MND1: variants seen among roughly 807,000 people sequenced by gnomAD.
The protein encoded by MND1 is meiotic nuclear division protein 1 homolog.
Under a neutral mutation model 35.1 loss-of-function variants are expected in MND1, and 28 were observed. The ratio of observed to expected loss-of-function variants is 0.80; its 90% CI spans 0.59 to 1.09. MND1 has a LOEUF of 1.09. MND1 is among the 50% of genes least tolerant of loss of function. The pLI, the probability that MND1 is intolerant of heterozygous loss-of-function variation, is 0.00. For synonymous variants in MND1, 69 were observed against 70.5 expected (o/e 0.98, Z 0.11); for missense variants, 213 against 239.6 (o/e 0.89, Z 0.73).
chr4:153,405,180 A>G (rs552802748), intron 6 of MND1, among the ~76,000 whole-genome samples: 1 of 152,320 alleles, frequency 6.6e-6, no homozygotes, highest in South Asian at 2.1e-4. Context: ...AGAATAGTCA[A>G]AAGAATCTTG....
chr4:153,367,026 G>A (rs144255067), intron 4 of MND1, among the ~76,000 whole-genome samples: 13 of 152,078 alleles, frequency 8.5e-5, no homozygotes, highest in East Asian at 1.9e-4. Context: ...TACTCTCCCC[G>A]CCTCTCCCCT....
Position 153,344,890 on chromosome 4 carries a change from G to A in MND1, c.3+150G>A, listed in dbSNP as rs906461877. 3.1e-6 allele frequency: 4 copies of A among 1,278,918 alleles called. No homozygotes were observed. The African/African-American group carries it at 4.7e-5, about 15-fold the overall frequency. 79.2% of individuals were successfully genotyped at this position (1,278,918 alleles called of 1,614,324 possible). Reference sequence around the variant, plus strand: ...CGGCTCTCGGCCTCACCGTGTAGGGGCCCAGCCCGGCCCCGCCGCAGCCAC... The same window carrying A: ...CGGCTCTCGGCCTCACCGTGTAGGGACCCAGCCCGGCCCCGCCGCAGCCAC... On this transcript the variant is annotated intron_variant, in intron 1 of 7. Coordinates refer to ENST00000240488, the MANE Select transcript of MND1 (RefSeq NM_032117.4).
intron 3 of MND1, among the ~76,000 whole-genome samples, chr4:153,357,796 A>C (rs1044897426): frequency 2.6e-5 from 4 of 152,234 alleles, no homozygotes; most frequent in Non-Finnish European, 5.9e-5. Context: ...TGTATTAACT[A>C]AATTCCTTTT....
chr4:153,356,552 CAAAAAAAA>C (rs34763120), intron 3 of MND1, among the ~76,000 whole-genome samples: 1 of 60,044 alleles, frequency 1.7e-5, no homozygotes, highest in Non-Finnish European at 2.8e-5. Flanking sequence ...AACTCAGTCT[CAAAAAAAA>C]AAAAAAAAAA....
intron 6 of MND1, among the ~76,000 whole-genome samples, chr4:153,397,973 G>A (rs1729245887): frequency 6.6e-6 from 1 of 152,102 alleles, no homozygotes; most frequent in African/African-American, 2.4e-5. Context: ...AGCTAATTTG[G>A]CCTCAAGAAC....
intron 6 of MND1, among the ~76,000 whole-genome samples, chr4:153,402,712 C>G (rs561976032): frequency 6.6e-6 from 1 of 152,224 alleles, no homozygotes; most frequent in African/African-American, 2.4e-5. Context: ...GAAAAACTGT[C>G]TTTATTTGAT....
intron 4 of MND1, among the ~76,000 whole-genome samples, chr4:153,391,906 T>C (rs1473806361): frequency 6.6e-6 from 1 of 152,086 alleles, no homozygotes; most frequent in Non-Finnish European, 1.5e-5. Flanking sequence ...TGGAAAACTG[T>C]TAAAGGAAAG....
chr4:153,402,169 C>T (rs901470879), intron 6 of MND1, among the ~76,000 whole-genome samples: 2 of 152,164 alleles, frequency 1.3e-5, no homozygotes, highest in Non-Finnish European at 2.9e-5. Flanking sequence ...CAACAACAAA[C>T]ATTAATTGCA....
chr4:153,403,974 A>G (rs1729414276), intron 6 of MND1, among the ~76,000 whole-genome samples: 1 of 152,006 alleles, frequency 6.6e-6, no homozygotes, highest in Non-Finnish European at 1.5e-5. Context: ...TCAGGCTAAC[A>G]TTATTTTAAA....
At position 153,370,613 on chromosome 4, in the gene MND1, G is replaced by A. The variant is rs533646186; in HGVS notation, c.276+11991G>A. 1.3e-4 allele frequency among the ~76,000 whole-genome samples: 20 copies of A among 152,106 alleles called. No individual in the cohort carries two copies. In the South Asian group the frequency reaches 3.9e-3, roughly 30 times the overall value. On this transcript the variant is annotated intron_variant, in intron 4 of 7. Coordinates refer to ENST00000240488, the MANE Select transcript of MND1 (RefSeq NM_032117.4). ...TAGCTCACTGCAACCTCCGCCTCCCGGGTTCAGGTGATTCTCTGGTCTCAG... is the reference window on the plus strand; with the variant it reads ...TAGCTCACTGCAACCTCCGCCTCCCAGGTTCAGGTGATTCTCTGGTCTCAG...
At chr4:153,381,090 AG>A (rs1169844745) in intron 4 of MND1, among the ~76,000 whole-genome samples, 1 of 152,064 alleles carries the variant, frequency 6.6e-6, no homozygotes, top group Non-Finnish European at 1.5e-5. Flanking sequence ...TAGTAGAGAC[AG>A]GGTTTCAACG....
At chr4:153,378,398 A>C (rs897019190) in intron 4 of MND1, among the ~76,000 whole-genome samples, 6 of 152,180 alleles carry the variant, frequency 3.9e-5, no homozygotes, top group Non-Finnish European at 8.8e-5. Flanking sequence ...AGCATTACCC[A>C]AAGTAATTCT....
intron 4 of MND1, among the ~76,000 whole-genome samples, chr4:153,373,474 G>A (rs1468384072): frequency 6.6e-6 from 1 of 152,078 alleles, no homozygotes; most frequent in African/African-American, 2.4e-5. Flanking sequence ...TAGAAAGTGG[G>A]GAAGCTTGCC....
rs1434642774 is a variant in MND1 at position 153,358,773 on chromosome 4, CA to C, written c.276+153del. ...ATAATTAACATCTGTTTCTCCTAAA[CA>C]ATATGAGGAACTTAGAACGTTTTAA... On this transcript the variant is annotated intron_variant, in intron 4 of 7. Transcript: ENST00000240488. 6.1e-6 allele frequency: 4 copies of C among 661,064 alleles called. No individual in the cohort carries two copies. In the African/African-American group the frequency reaches 7.5e-5, roughly 12 times the overall value. 40.9% of individuals were successfully genotyped at this position (661,064 alleles called of 1,614,324 possible). A position where few individuals can be genotyped will look rare whatever the true frequency, so the allele number is the denominator to read the frequency against.
At chr4:153,373,924 A>G (rs916977003) in intron 4 of MND1, among the ~76,000 whole-genome samples, 1 of 152,214 alleles carries the variant, frequency 6.6e-6, no homozygotes, top group Non-Finnish European at 1.5e-5. Flanking sequence ...TGTGCCCCTC[A>G]GCCATTGTTC....
intron 3 of MND1, among the ~76,000 whole-genome samples, chr4:153,356,193 G>T (rs1045605412): frequency 1.3e-5 from 2 of 152,094 alleles, no homozygotes; most frequent in African/African-American, 2.4e-5. Context: ...GTGTTGACAG[G>T]CATCCTTCTA....
chr4:153,353,847 G>C (rs1438626372), intron 2 of MND1, among the ~76,000 whole-genome samples: 1 of 152,134 alleles, frequency 6.6e-6, no homozygotes, highest in Non-Finnish European at 1.5e-5. Flanking sequence ...AGTCTCTCGA[G>C]TAGCTGGGAT....
chr4:153,397,329 A>T lies in MND1; in HGVS notation c.462A>T (p.Glu154Asp). 6.2e-7 allele frequency: 1 copy of T among 1,608,046 alleles called. No individual in the cohort carries two copies. Among genetic ancestry groups the T allele is most frequent in the Non-Finnish European group, 8.5e-7 (1 of 1,176,312 alleles). ...YKDCDPQVVE[E>D]IRQANKVAKE... ...ACTGTGATCCGCAAGTTGTGGAAGA[A>T]ATACGTAAGTTTGTGTCATACCTTA... Residue 154 changes from glutamate to aspartate, a missense_variant, in exon 6 of 8, where the codon GAA becomes GAT. Transcript: ENST00000240488.
chr4:153,405,118 T>G (rs761168920), intron 6 of MND1, among the ~76,000 whole-genome samples: 9 of 152,250 alleles, frequency 5.9e-5, no homozygotes, highest in South Asian at 2.1e-4. Flanking sequence ...GCTGCTTTTT[T>G]GCAGAAATTG....
Sources: allele counts gnomAD v4.1 joint callset (sites outside exome capture counted in the v4.1 genomes callset), GRCh38; gene constraint gnomAD v4.1.1; transcripts MANE v1.5; gene names NCBI Gene and HGNC (gene_info 2026-07-23, HGNC 2026-07-21).